Variants in PALS1 observed in about 807,000 individuals in gnomAD.
PALS1 encodes protein PALS1.
PALS1 carries 31 observed loss-of-function variants against 78.9 expected under a neutral mutation model. The ratio of observed to expected loss-of-function variants is 0.39; its 90% confidence interval spans 0.30 to 0.53. PALS1 has a LOEUF of 0.53. Among genes scored for constraint, PALS1 ranks in the 20% least tolerant of loss-of-function variants. The pLI, the probability that PALS1 is intolerant of heterozygous loss-of-function variation, is 0.67. For missense variants in PALS1, 704 were observed against 826.5 expected, an observed-to-expected ratio of 0.85 and a Z score of 1.82; for synonymous variants, 276 against 270.9, an observed-to-expected ratio of 1.02 and a Z score of -0.18.
intron 1 of PALS1, among the ~76,000 whole-genome samples, chr14:67,267,379 C>T (rs984194896): frequency 1.3e-5 from 2 of 152,070 alleles, no homozygotes; most frequent in Non-Finnish European, 2.9e-5. Flanking sequence ...CTGCCTCCCC[C>T]TCCCAAGTAG....
At chr14:67,263,914 G>A (rs2084275127) in intron 1 of PALS1, among the ~76,000 whole-genome samples, 1 of 151,920 alleles carries the variant, frequency 6.6e-6, no homozygotes, top group Admixed American at 6.6e-5. Context: ...TTAGAGGTGG[G>A]GTCTCACTGT....
At chr14:67,311,250 G>T (rs1171046881) in intron 8 of PALS1, among the ~76,000 whole-genome samples, 1 of 148,406 alleles carries the variant, frequency 6.7e-6, no homozygotes, top group Admixed American at 6.9e-5. Flanking sequence ...GATGGAGTTT[G>T]CAGTGAGCCA....
intron 3 of PALS1, among the ~76,000 whole-genome samples, chr14:67,290,806 G>T (rs1167139447): frequency 6.6e-6 from 1 of 152,062 alleles, no homozygotes; most frequent in African/African-American, 2.4e-5. Context: ...AAGTGCTGGG[G>T]TTACAGACCT....
At position 67,305,109 on chromosome 14, in the gene PALS1, G is replaced by T. The variant is rs142398528; in HGVS notation, c.1041+1510G>T. On this transcript the variant is annotated intron_variant, in intron 8 of 14. Coordinates refer to ENST00000261681, the MANE Select transcript of PALS1 (RefSeq NM_022474.4). ...TAAACAGCTTGATTCTCTGTGCATTGTGCTGTTCCCTGTATCTCTTCTGTG... is the reference window on the plus strand; with the variant it reads ...TAAACAGCTTGATTCTCTGTGCATTTTGCTGTTCCCTGTATCTCTTCTGTG... Among the ~76,000 whole-genome samples, 14 of 152,260 alleles carry T rather than the reference G, an allele frequency of 9.2e-5. No homozygotes were observed. The South Asian group carries it at 1.5e-3, about 16-fold the overall frequency.
intron 1 of PALS1, among the ~76,000 whole-genome samples, chr14:67,251,399 G>T (rs530568889): frequency 2.4e-4 from 36 of 152,244 alleles, no homozygotes; most frequent in African/African-American, 8.2e-4. Flanking sequence ...TGGACTTGGT[G>T]GTGTGTGCCT....
chr14:67,252,053 C>T (rs935956215), intron 1 of PALS1, among the ~76,000 whole-genome samples: 4 of 152,182 alleles, frequency 2.6e-5, no homozygotes, highest in African/African-American at 9.7e-5. Context: ...AGCTCCACAC[C>T]ACCCGCCTAA....
chr14:67,306,031 A>G (rs1462969836), intron 8 of PALS1, among the ~76,000 whole-genome samples: 1 of 152,120 alleles, frequency 6.6e-6, no homozygotes, highest in Non-Finnish European at 1.5e-5. Context: ...AAGCAGTGGC[A>G]CCATCTGGGC....
Position 67,288,000 on chromosome 14 carries a change from T to C in PALS1, c.368-4511T>C, listed in dbSNP as rs568702565. 3.5e-4 allele frequency among the ~76,000 whole-genome samples: 54 copies of C among 152,336 alleles called. No homozygotes were observed. The South Asian group carries it at 9.1e-3, about 26-fold the overall frequency. On this transcript the variant is annotated intron_variant, in intron 3 of 14. Transcript: ENST00000261681. The stretch of plus-strand genomic sequence containing the variant: ...ATACAATTACCTTCTGGGCTGTCTA[T>C]GGCTGCTTGTTGATTTCAGTCAGTG...
chr14:67,254,327 C>A (rs918343845), intron 1 of PALS1: 1 of 151,764 alleles, frequency 6.6e-6, no homozygotes, highest in Non-Finnish European at 1.5e-5. Flanking sequence ...TTAGCTTAAC[C>A]CTTTTTCCTA....
chr14:67,323,267 A>ATG (rs2085295424), intron 13 of PALS1, among the ~76,000 whole-genome samples: 1 of 133,454 alleles, frequency 7.5e-6, no homozygotes, highest in African/African-American at 3.2e-5. Flanking sequence ...GTGTGTATAT[A>ATG]TATATATGGC....
Position 67,292,669 on chromosome 14 carries a change from G to T in PALS1, c.526G>T (p.Ala176Ser), listed in dbSNP as rs987954149. 1 of 1,613,564 alleles carries T rather than the reference G, an allele frequency of 6.2e-7. No homozygotes were observed. The highest frequency in any genetic ancestry group is 1.7e-5 in the Admixed American group (1 of 59,990). Residue 176 changes from alanine to serine, a missense_variant, in exon 4 of 15, where the codon GCC (alanine) becomes TCC (serine). Coordinates refer to ENST00000261681, the MANE Select transcript of PALS1 (RefSeq NM_022474.4). ...TGCCATCACAGTACACATGAACAAG[G>T]CCAGTCCTCCATTTCCTCTTATCTC... ...HNAITVHMNKASPPFPLISNA... is the reference protein window; with the variant it reads ...HNAITVHMNKSSPPFPLISNA...
At chr14:67,320,532 A>T in intron 12 of PALS1, 135 bp downstream of exon 12, 1 of 776,552 alleles carries the variant, frequency 1.3e-6, no homozygotes, top group Non-Finnish European at 1.9e-6. Flanking sequence ...TTAACCAAAG[A>T]TTTTGACAAT....
intron 3 of PALS1, among the ~76,000 whole-genome samples, chr14:67,280,852 C>T (rs1380881551): frequency 4.8e-5 from 6 of 125,304 alleles, no homozygotes; most frequent in South Asian, 2.9e-4. Flanking sequence ...TCCTTCCTTC[C>T]TTCCCTCCCT....
chr14:67,249,923 T>C (rs896182059), intron 1 of PALS1, among the ~76,000 whole-genome samples: 1 of 152,238 alleles, frequency 6.6e-6, no homozygotes, highest in African/African-American at 2.4e-5. Context: ...TAGGACTTGG[T>C]TGTACTTAGA....
rs1232058534 is a variant in PALS1 at position 67,302,004 on chromosome 14, G to A, written c.687G>A (p.Glu229=). 1 of 1,607,160 alleles carries A rather than the reference G, an allele frequency of 6.2e-7. No homozygotes were observed. Among genetic ancestry groups the A allele is most frequent in the East Asian group, 2.2e-5 (1 of 44,498 alleles). Residue 229 remains glutamate, a synonymous_variant, in exon 6 of 15, where the codon GAG becomes GAA. Transcript: ENST00000261681. The part of the protein sequence containing the change: ...ALLLAHDKVA[E]QEMQLEPITD... ...TACTGGCCCACGATAAGGTTGCTGA[G>A]CAGGAAATGCAGCTAGAGCCCATTA...
In PALS1 at chr14:67,332,797, AATC is replaced by A; in HGVS notation, c.1872_1874del (p.Ile625del). 6.2e-7 allele frequency: 1 copy of A among 1,611,166 alleles called. No homozygotes were observed. Among genetic ancestry groups the A allele is most frequent in the Non-Finnish European group, 8.5e-7 (1 of 1,177,910 alleles). ...GTTTGCAGCCTGAAGAGTTGAGAGA[AATC>A]ATTGAGAAGACAAGAGAGATGGAGC... On this transcript the variant is annotated inframe_deletion, in exon 15 of 15. Coordinates refer to ENST00000261681, the MANE Select transcript of PALS1 (RefSeq NM_022474.4).
chr14:67,245,196 T>G (rs940441628), intron 1 of PALS1, among the ~76,000 whole-genome samples: 5 of 152,252 alleles, frequency 3.3e-5, no homozygotes, highest in African/African-American at 1.2e-4. Flanking sequence ...TGTGGCAATT[T>G]GTTACATTGG....
chr14:67,245,761 T>C (rs994706879), intron 1 of PALS1, among the ~76,000 whole-genome samples: 1 of 152,226 alleles, frequency 6.6e-6, no homozygotes, highest in Admixed American at 6.5e-5. Context: ...TTTTGAAGTA[T>C]AGAATTTTAT....
chr14:67,299,708 A>G (rs1465402235), intron 4 of PALS1, among the ~76,000 whole-genome samples: 2 of 152,230 alleles, frequency 1.3e-5, no homozygotes, highest in East Asian at 3.8e-4. Flanking sequence ...ATAGGTTAGT[A>G]GGGCAGTGGG....
Sources: allele counts gnomAD v4.1 joint callset (sites outside exome capture counted in the v4.1 genomes callset), GRCh38; gene constraint gnomAD v4.1.1; transcripts MANE v1.5; gene names NCBI Gene and HGNC (gene_info 2026-07-23, HGNC 2026-07-21).